The following TNS3 variants were observed in gnomAD, a reference collection of about 807,000 sequenced individuals.
The protein encoded by TNS3 is tensin-3.
TNS3 carries 45 observed loss-of-function variants against 140.9 expected under a neutral mutation model. The ratio of observed to expected loss-of-function variants is 0.32; its 90% CI spans 0.25 to 0.41. TNS3 has a LOEUF of 0.41. Among genes scored for constraint, TNS3 ranks in the 10% least tolerant of loss-of-function variants. The probability of loss-of-function intolerance (pLI) is 1.00; values close to 1 mark genes in which losing one functional copy is unlikely to be tolerated. For missense variants in TNS3, 1,716 were observed against 1,906.7 expected, an observed-to-expected ratio of 0.90 and a Z score of 1.86; for synonymous variants, 815 against 788.4, an observed-to-expected ratio of 1.03 and a Z score of -0.56.
chr7:47,322,825 C>T (rs1004698278), intron 20 of TNS3, among the ~76,000 whole-genome samples: 1 of 152,152 alleles, frequency 6.6e-6, no homozygotes, highest in Non-Finnish European at 1.5e-5. Context: ...GAGCAGCCTG[C>T]CTCCGCTCCC....
At chr7:47,356,849 G>A (rs1790021008) in intron 17 of TNS3, among the ~76,000 whole-genome samples, 1 of 152,044 alleles carries the variant, frequency 6.6e-6, no homozygotes, top group Admixed American at 6.6e-5. Flanking sequence ...GACTGAGGAG[G>A]GTGGATCTTT....
intron 4 of TNS3, among the ~76,000 whole-genome samples, chr7:47,460,485 C>T (rs1477735026): frequency 6.6e-6 from 1 of 152,170 alleles, no homozygotes; most frequent in African/African-American, 2.4e-5. Flanking sequence ...TCTGAGATGC[C>T]TGGTGGGTGT....
chr7:47,505,137 G>A (rs796644897), intron 3 of TNS3, among the ~76,000 whole-genome samples: 17 of 152,212 alleles, frequency 1.1e-4, no homozygotes, highest in East Asian at 3.9e-4. Context: ...CTCCTACTCC[G>A]CAGCCGACCC....
At chr7:47,541,664 C>T (rs575553147) in intron 1 of TNS3, among the ~76,000 whole-genome samples, 4 of 151,970 alleles carry the variant, frequency 2.6e-5, no homozygotes, top group East Asian at 3.9e-4. Flanking sequence ...AGCAAATGAC[C>T]GAGGCCGGGC....
intron 3 of TNS3, among the ~76,000 whole-genome samples, chr7:47,496,280 CT>C (rs1798004375): frequency 6.6e-6 from 1 of 152,140 alleles, no homozygotes; most frequent in African/African-American, 2.4e-5. Flanking sequence ...AGTTTGGGGT[CT>C]TCTAGAAAGG....
intron 27 of TNS3, among the ~76,000 whole-genome samples, chr7:47,285,701 T>C (rs1248096360): frequency 6.6e-6 from 1 of 152,228 alleles, no homozygotes; most frequent in African/African-American, 2.4e-5. Context: ...AACCTAGTGG[T>C]CCCGCTTCTG....
chr7:47,363,838 A>G (rs1790535596), intron 17 of TNS3, among the ~76,000 whole-genome samples: 2 of 152,212 alleles, frequency 1.3e-5, no homozygotes, highest in African/African-American at 4.8e-5. Context: ...TGATGGTACC[A>G]TTCTGGGCAT....
At chr7:47,396,459 C>T (rs1289588172) in intron 16 of TNS3, 1 of 266,698 alleles carries the variant, frequency 3.7e-6, no homozygotes, top group East Asian at 1.0e-4. Context: ...CGCTTGGCAT[C>T]CCCATATGCA....
chr7:47,315,465 C>G (rs1026308657), intron 20 of TNS3, among the ~76,000 whole-genome samples: 1 of 152,218 alleles, frequency 6.6e-6, no homozygotes, highest in Non-Finnish European at 1.5e-5. Flanking sequence ...TTTCCTTTAC[C>G]CAGAACAAGG....
chr7:47,549,959 T>A (rs1800019820), intron 1 of TNS3, among the ~76,000 whole-genome samples: 1 of 120,144 alleles, frequency 8.3e-6, no homozygotes, highest in African/African-American at 3.2e-5. Flanking sequence ...ACCTAGTTAC[T>A]TCGTTTGGCT....
At chr7:47,359,175 T>C (rs902578693) in intron 17 of TNS3, among the ~76,000 whole-genome samples, 5 of 151,998 alleles carry the variant, frequency 3.3e-5, no homozygotes, top group Admixed American at 1.3e-4. Context: ...ATAAACAAAC[T>C]GTGCTCTATC....
At chr7:47,519,337 T>C (rs1488778287) in intron 2 of TNS3, among the ~76,000 whole-genome samples, 1 of 150,472 alleles carries the variant, frequency 6.6e-6, no homozygotes, top group Non-Finnish European at 1.5e-5. Context: ...TTATACAATA[T>C]TGCAGAATGA....
At chr7:47,549,474 A>G (rs925971614) in intron 1 of TNS3, among the ~76,000 whole-genome samples, 2 of 152,118 alleles carry the variant, frequency 1.3e-5, no homozygotes, top group African/African-American at 2.4e-5. Flanking sequence ...CAGCCCGGCA[A>G]CAGAGGGAAA....
intron 11 of TNS3, 78 bp downstream of exon 11, chr7:47,415,016 A>G (rs950246612): frequency 2.8e-6 from 3 of 1,071,062 alleles, no homozygotes; most frequent in Non-Finnish European, 4.1e-6. Context: ...GCCGAGGCTT[A>G]TCTAAATTGA....
In TNS3 at chr7:47,388,980, AGCAGAGGAAGAAGAAGAAGAAG is replaced by A. The variant is rs1225215457; in HGVS notation, c.1024+7798_1024+7819del. ...CAGAAGAAGCAGAAGCAGAAGAAGCAGCAGAGGAAGAAGAAGAAGAAGGAAGAAGAAGAAGAAGAAGAAGAAG... is the reference window on the plus strand; with the variant it reads ...CAGAAGAAGCAGAAGCAGAAGAAGCAGAAGAAGAAGAAGAAGAAGAAGAAG... On this transcript the variant is annotated intron_variant, in intron 16 of 30. Coordinates refer to ENST00000311160, the MANE Select transcript of TNS3 (RefSeq NM_022748.12). Among the ~76,000 whole-genome samples the A allele has an allele frequency of 4.1e-4, 50 of 121,130 alleles. 9 individuals carry two copies. Among genetic ancestry groups the A allele is most frequent in the Non-Finnish European group, 8.3e-4 (42 of 50,842 alleles). 79.5% of individuals were successfully genotyped at this position (121,130 alleles called of 152,430 possible).
chr7:47,533,137 T>A lies in TNS3; in HGVS notation c.-264-3990A>T, dbSNP rs1282703191. Among the ~76,000 whole-genome samples the A allele has an allele frequency of 1.3e-4, 12 of 89,800 alleles. No homozygotes were observed. The East Asian group carries it at 1.9e-3, about 14-fold the overall frequency. The allele number at this position is 89,800 out of a possible 152,430, so 58.9% of individuals were successfully genotyped here. On this transcript the variant is annotated intron_variant, in intron 1 of 30. Coordinates refer to ENST00000311160, the MANE Select transcript of TNS3 (RefSeq NM_022748.12). ...TATATATATATATTTTTTTTTTTTT[T>A]TTTTTTTTTTTTTGAGACAGAGTCT...
At chr7:47,451,612 C>G (rs1170493686) in intron 4 of TNS3, among the ~76,000 whole-genome samples, 1 of 152,050 alleles carries the variant, frequency 6.6e-6, no homozygotes, top group Non-Finnish European at 1.5e-5. Context: ...GAAACAAAAG[C>G]CACGGATAAA....
intron 24 of TNS3, 36 bp from the exon 25 acceptor site, chr7:47,293,864 G>A: frequency 6.3e-7 from 1 of 1,590,992 alleles, no homozygotes. Flanking sequence ...AGAATTTTTT[G>A]AAAATGGGAG....
chr7:47,280,383 C>T (rs1233484286), intron 28 of TNS3, 29 bp from the exon 29 acceptor site: 4 of 1,610,140 alleles, frequency 2.5e-6, no homozygotes, highest in Non-Finnish European at 3.4e-6. Context: ...GAGAGGATGG[C>T]TCCTGTTACT....
Sources: gnomAD v4.1 joint callset for allele counts (sites outside exome capture counted in the v4.1 genomes callset) on GRCh38, gnomAD v4.1.1 for gene constraint, MANE v1.5 for transcripts, NCBI Gene and HGNC (gene_info 2026-07-23, HGNC 2026-07-21) for gene names.